Variants in NOC4L observed in about 807,000 individuals in gnomAD.
The protein encoded by NOC4L is nucleolar complex protein 4 homolog.
NOC4L carries 40 observed loss-of-function variants against 62.8 expected under a neutral mutation model. The observed-to-expected ratio is 0.64, with a 90% CI of 0.49 to 0.83. NOC4L has a LOEUF of 0.83. Ranked by LOEUF, NOC4L falls within the 40% of genes least tolerant of loss-of-function variation. The pLI is 0.00. For synonymous variants in NOC4L, 433 were observed against 299.8 expected (o/e 1.44, Z -4.59); for missense variants, 927 against 701.9 (o/e 1.32, Z -3.62).
chr12:132,145,412 A>T, intron 2 of NOC4L, 147 bp from the exon 3 acceptor site: 1 of 587,792 alleles, frequency 1.7e-6, no homozygotes. Flanking sequence ...GTCTCAGCAC[A>T]GGTCTGGGGG....
chr12:132,144,760 G>T (rs541224864), intron 1 of NOC4L, 94 bp from the exon 2 acceptor site: 3 of 1,501,494 alleles, frequency 2.0e-6, no homozygotes, highest in Non-Finnish European at 2.7e-6. Context: ...CGGGGCTGGC[G>T]TCCCGAGGGG....
At chr12:132,151,178 G>A (rs968634775) in intron 10 of NOC4L, 80 bp from the exon 11 acceptor site, 14 of 1,435,486 alleles carry the variant, frequency 9.8e-6, no homozygotes, top group East Asian at 2.3e-5. Flanking sequence ...GGAGGAAGGG[G>A]CGCCGAGTGA....
At chr12:132,146,955 C>G (rs1189096568) in intron 3 of NOC4L, among the ~76,000 whole-genome samples, 2 of 152,128 alleles carry the variant, frequency 1.3e-5, no homozygotes, top group African/African-American at 4.8e-5. Flanking sequence ...ACAGCTGTTC[C>G]CAAGGGTTAT....
intron 3 of NOC4L, 131 bp from the exon 4 acceptor site, chr12:132,147,150 A>ATCTCGGTGGTC: frequency 8.5e-6 from 5 of 586,260 alleles, no homozygotes; most frequent in East Asian, 6.4e-5. Context: ...TGGCGTGTGG[A>ATCTCGGTGGTC]GCAAGAGAAG....
Position 132,150,928 on chromosome 12 carries a change from G to T in NOC4L, c.902-53G>T, listed in dbSNP as rs552942819. 3.3e-5 allele frequency: 44 copies of T among 1,339,936 alleles called. 1 individual carries two copies. In the East Asian group the frequency reaches 7.3e-4, roughly 22 times the overall value. 83.0% of individuals were successfully genotyped at this position (1,339,936 alleles called of 1,614,324 possible). A position where few individuals can be genotyped will look rare whatever the true frequency, so the allele number is the denominator to read the frequency against. ...GACTTACACTCAGTGTGGGCAGGGGGTAGGGTGGGAGCGAGGTCACTGCAG... is the reference window on the plus strand; with the variant it reads ...GACTTACACTCAGTGTGGGCAGGGGTTAGGGTGGGAGCGAGGTCACTGCAG... On this transcript the variant is annotated intron_variant, in intron 9 of 14. Coordinates refer to ENST00000330579, the MANE Select transcript of NOC4L (RefSeq NM_024078.3).
intron 10 of NOC4L, 59 bp from the exon 11 acceptor site, chr12:132,151,199 T>G: frequency 4.7e-6 from 7 of 1,493,440 alleles, no homozygotes; most frequent in South Asian, 3.4e-5. Context: ...GACCCTGGCC[T>G]TGGAGGCCTC....
Position 132,144,535 on chromosome 12 carries a change from G to A in NOC4L, c.47G>A (p.Arg16His), listed in dbSNP as rs1368222352. The change falls in exon 1 of 15, where the codon CGC becomes CAC. Residue 16 changes from arginine (R) to histidine (H), a missense_variant. Arg to His is a conservative substitution (Grantham distance 29). Coordinates refer to ENST00000330579, the MANE Select transcript of NOC4L (RefSeq NM_024078.3). The part of the protein sequence containing the change: ...GAAGVRRALG[R>H]RLEAVLASRS... ...GCGGGAGTTCGCCGGGCTCTGGGCC[G>A]CCGGCTGGAGGCGGTGCTGGCGAGC... The A allele has an allele frequency of 9.2e-6, 14 of 1,517,700 alleles. No individual in the cohort carries two copies. The highest frequency in any genetic ancestry group is 7.3e-5 in the South Asian group (6 of 81,912). 94.0% of individuals were successfully genotyped at this position (1,517,700 alleles called of 1,614,324 possible). A position where few individuals can be genotyped will look rare whatever the true frequency, so the allele number is the denominator to read the frequency against.
Position 132,152,410 on chromosome 12 carries a change from C to G in NOC4L, c.*9C>G. 6.4e-7 allele frequency: 1 copy of G among 1,571,380 alleles called. No individual in the cohort carries two copies. The highest frequency in any genetic ancestry group is 1.2e-5 in the South Asian group (1 of 86,530). ...ACTTCACGCTCAGCTGACCCTGGCCCACCTGTGAATAAATCTCAGCTGACC... is the reference window on the plus strand; with the variant it reads ...ACTTCACGCTCAGCTGACCCTGGCCGACCTGTGAATAAATCTCAGCTGACC... On this transcript the variant is annotated 3_prime_UTR_variant, in exon 15 of 15. Coordinates refer to ENST00000330579, the MANE Select transcript of NOC4L (RefSeq NM_024078.3).
In NOC4L at chr12:132,150,718, A is replaced by G; in HGVS notation, c.902-263A>G. On this transcript the variant is annotated intron_variant, in intron 9 of 14. Coordinates refer to ENST00000330579, the MANE Select transcript of NOC4L (RefSeq NM_024078.3). Reference sequence around the variant, plus strand: ...CGGTGAGTGCCGCCGCCTCGCTCACACCACACCCCTAATCCCCTCGGTGAG... The same window carrying G: ...CGGTGAGTGCCGCCGCCTCGCTCACGCCACACCCCTAATCCCCTCGGTGAG... 2 of 454,628 alleles carry G rather than the reference A, an allele frequency of 4.4e-6. 1 individual carries two copies. The highest frequency in any genetic ancestry group is 4.7e-5 in the South Asian group (2 of 42,476). 28.2% of individuals were successfully genotyped at this position (454,628 alleles called of 1,614,324 possible). A position where few individuals can be genotyped will look rare whatever the true frequency, so the allele number is the denominator to read the frequency against.
chr12:132,144,595 C>G lies in NOC4L; in HGVS notation c.107C>G (p.Ala36Gly), dbSNP rs764488335. The G allele has an allele frequency of 5.6e-5, 85 of 1,520,424 alleles. No individual in the cohort carries two copies. The highest frequency in any genetic ancestry group is 1.0e-4 in the Admixed American group (5 of 49,388). The allele number at this position is 1,520,424 out of a possible 1,614,324, so 94.2% of individuals were successfully genotyped here. A position where few individuals can be genotyped will look rare whatever the true frequency, so the allele number is the denominator to read the frequency against. ...GCCAACGCCGTGTTCGACATCCTGGCCGTGCTGCAGGTGGGCCTGGCGGCG... is the reference window on the plus strand; with the variant it reads ...GCCAACGCCGTGTTCGACATCCTGGGCGTGCTGCAGGTGGGCCTGGCGGCG... ...SEANAVFDILAVLQSEDQEEI... is the reference protein window; with the variant it reads ...SEANAVFDILGVLQSEDQEEI... The change falls in exon 1 of 15, where the codon GCC becomes GGC. Residue 36 changes from alanine to glycine, a missense_variant. Ala to Gly is a moderately conservative substitution (Grantham distance 60, BLOSUM62 0). Coordinates refer to ENST00000330579, the MANE Select transcript of NOC4L (RefSeq NM_024078.3).
intron 13 of NOC4L, 44 bp from the exon 14 acceptor site, chr12:132,152,040 C>CG (rs745396105): frequency 1.3e-6 from 2 of 1,519,216 alleles, no homozygotes; most frequent in Non-Finnish European, 1.8e-6. Context: ...GGGCACAGGG[C>CG]GGGGGCCTGG....
rs1306688381 is a variant in NOC4L at position 132,147,638 on chromosome 12, G to C, written c.459G>C (p.Val153=). Residue 153 remains valine (V), a synonymous_variant, in exon 5 of 15, where the codon GTG becomes GTC. Transcript: ENST00000330579. ...YLFPRELFKL[V]VGGLLSPEED... ...TCACTGGTCCTTGCCCCTAGTTGGTGGTGGGAGGCCTGCTGTCTCCTGAGG... is the reference window on the plus strand; with the variant it reads ...TCACTGGTCCTTGCCCCTAGTTGGTCGTGGGAGGCCTGCTGTCTCCTGAGG... The C allele has an allele frequency of 1.9e-6, 3 of 1,612,608 alleles. No individual in the cohort carries two copies. Among genetic ancestry groups the C allele is most frequent in the African/African-American group, 2.7e-5 (2 of 74,908 alleles).
At chr12:132,147,518 GC>G (rs1897768897) in intron 4 of NOC4L, 114 bp from the exon 5 acceptor site, 2 of 1,471,160 alleles carry the variant, frequency 1.4e-6, no homozygotes, top group African/African-American at 1.4e-5. Flanking sequence ...GGCTCCTGTG[GC>G]CCACCCAACC....
At chr12:132,151,993 C>T (rs1873002570) in intron 13 of NOC4L, 91 bp from the exon 14 acceptor site, 2 of 1,351,516 alleles carry the variant, frequency 1.5e-6, no homozygotes, top group Admixed American at 2.3e-5. Context: ...CCCGACCCCG[C>T]CCACTCTGGT....
Position 132,152,362 on chromosome 12 carries a change from G to C in NOC4L, c.1512G>C (p.Arg504=), listed in dbSNP as rs1565962636. 3.2e-6 allele frequency: 5 copies of C among 1,575,060 alleles called. No individual in the cohort carries two copies. In the East Asian group the frequency reaches 1.2e-4, roughly 37 times the overall value. ...TCCCAGCCCAGGGCCTGCTGGGACGGCCGGGTGAACTCTGTGCCCAGCACT... is the reference window on the plus strand; with the variant it reads ...TCCCAGCCCAGGGCCTGCTGGGACGCCCGGGTGAACTCTGTGCCCAGCACT... ...EFIPAQGLLG[R]PGELCAQHFT... Residue 504 remains arginine, a synonymous_variant, in exon 15 of 15, where the codon CGG becomes CGC. Coordinates refer to ENST00000330579, the MANE Select transcript of NOC4L (RefSeq NM_024078.3).
At position 132,147,277 on chromosome 12, in the gene NOC4L, C is replaced by T. The variant is rs1404561295; in HGVS notation, c.346-4C>T. 2 of 1,528,108 alleles carry T rather than the reference C, an allele frequency of 1.3e-6. No homozygotes were observed. The highest frequency in any genetic ancestry group is 4.2e-5 in the Admixed American group (2 of 47,108). 94.7% of individuals were successfully genotyped at this position (1,528,108 alleles called of 1,614,324 possible). On this transcript the variant is annotated splice_polypyrimidine_tract_variant and splice_region_variant and intron_variant, in intron 3 of 14. Coordinates refer to ENST00000330579, the MANE Select transcript of NOC4L (RefSeq NM_024078.3). ...ACAGCCACCCTGCACTGCCCCCTTCCCAGGAGCTGGCCCTCAGCGCACTCC... is the reference window on the plus strand; with the variant it reads ...ACAGCCACCCTGCACTGCCCCCTTCTCAGGAGCTGGCCCTCAGCGCACTCC...
chr12:132,145,786 G>T, intron 3 of NOC4L, 121 bp downstream of exon 3: 1 of 654,960 alleles, frequency 1.5e-6, no homozygotes, highest in African/African-American at 1.8e-5. Context: ...CTTCATGGGA[G>T]CATCACCCTG....
In NOC4L at chr12:132,150,677, A is replaced by AACCCC. The variant is rs1174726169; in HGVS notation, c.902-304_902-303insACCCC. ...TGAGTGCCGCCGCCTCGCTCATACC[A>AACCCC]CACCCCTAATCCCCTCGGTGAGTGC... On this transcript the variant is annotated intron_variant, in intron 9 of 14. Coordinates refer to ENST00000330579, the MANE Select transcript of NOC4L (RefSeq NM_024078.3). 2.9e-4 allele frequency among the ~76,000 whole-genome samples: 10 copies of AACCCC among 34,662 alleles called. 5 individuals carry two copies. Among genetic ancestry groups the AACCCC allele is most frequent in the Admixed American group, 5.8e-4 (2 of 3,440 alleles). 22.7% of individuals were successfully genotyped at this position (34,662 alleles called of 152,430 possible).
Position 132,152,138 on chromosome 12 carries a change from C to A in NOC4L, c.1372C>A (p.Gln458Lys). 6.2e-7 allele frequency: 1 copy of A among 1,612,486 alleles called. No individual in the cohort carries two copies. Among genetic ancestry groups the A allele is most frequent in the Non-Finnish European group, 8.5e-7 (1 of 1,179,862 alleles). The change falls in exon 14 of 15, where the codon CAG becomes AAG. Residue 458 changes from glutamine (Q) to lysine (K), a missense_variant. Transcript: ENST00000330579. ...GTCCAAAGCCGCCAGCGTCATCAAC[C>A]AGGCCCTGTCCATGCCTGAGGTCAG... The part of the protein sequence containing the change: ...EVSKAASVIN[Q>K]ALSMPEVSIA...
Sources: allele counts gnomAD v4.1 joint callset (sites outside exome capture counted in the v4.1 genomes callset), GRCh38; gene constraint gnomAD v4.1.1; transcripts MANE v1.5; gene names NCBI Gene and HGNC (gene_info 2026-07-23, HGNC 2026-07-21).